Variants in SLC13A2 observed in about 807,000 individuals in gnomAD.
The protein encoded by SLC13A2 is solute carrier family 13 member 2.
Under a neutral mutation model 58.5 loss-of-function variants are expected in SLC13A2, and 40 were observed. The ratio of observed to expected loss-of-function variants is 0.68; its 90% CI spans 0.53 to 0.89. The LOEUF (loss-of-function observed/expected upper bound fraction) is 0.89, where lower values mean the gene tolerates loss of function less well. SLC13A2 is among the 40% of genes least tolerant of loss of function. The probability of loss-of-function intolerance (pLI) is 0.00; values close to 1 mark genes in which losing one functional copy is unlikely to be tolerated. For synonymous variants in SLC13A2, 341 were observed against 331.6 expected (o/e 1.03, Z -0.31); for missense variants, 694 against 772.6 (o/e 0.90, Z 1.21).
At chr17:28,482,815 TC>T (rs1164428359) in intron 1 of SLC13A2, among the ~76,000 whole-genome samples, 1 of 152,158 alleles carries the variant, frequency 6.6e-6, no homozygotes, top group Non-Finnish European at 1.5e-5. Flanking sequence ...CGCTCAAGGT[TC>T]CCTCTCTGGA....
chr17:28,489,198 T>A lies in SLC13A2; in HGVS notation c.103-16T>A, dbSNP rs782359171. ...CAGGCCCTCTGACAGCTCTGCCGCT[T>A]CTCTCCCACCTGCAGGAGGCCTACT... On this transcript the variant is annotated splice_polypyrimidine_tract_variant and intron_variant, in intron 1 of 11. Transcript: ENST00000314669. 6.2e-7 allele frequency: 1 copy of A among 1,612,202 alleles called. No individual in the cohort carries two copies. Among genetic ancestry groups the A allele is most frequent in the South Asian group, 1.1e-5 (1 of 91,018 alleles).
Position 28,492,834 on chromosome 17 carries a change from A to G in SLC13A2, c.879-737A>G, listed in dbSNP as rs375759084. 8.5e-5 allele frequency among the ~76,000 whole-genome samples: 13 copies of G among 152,356 alleles called. 1 individual carries two copies. In the South Asian group the frequency reaches 2.7e-3, roughly 32 times the overall value. ...TATGAGTGTTACTGTGGTATTAATT[A>G]TAATTTGCCCTTCCTGCCCAGGCAG... On this transcript the variant is annotated intron_variant, in intron 6 of 11. Coordinates refer to ENST00000314669, the MANE Select transcript of SLC13A2 (RefSeq NM_003984.4).
rs2069135768 is a variant in SLC13A2, at chr17:28,496,027, C to T, written c.1470+211C>T. On this transcript the variant is annotated intron_variant, in intron 10 of 11. Coordinates refer to ENST00000314669, the MANE Select transcript of SLC13A2 (RefSeq NM_003984.4). This position sits in a 1 kb window ranked among gnomAD's most constrained non-coding sequence, Gnocchi z 4.2. ...TGACTCACCCCGTCCCTCATGATGT[C>T]ACCCCTGGAGTATCCTGATGGGGAT... Among the ~76,000 whole-genome samples the T allele has an allele frequency of 6.6e-6, 1 of 152,178 alleles. No homozygotes were observed. Among genetic ancestry groups the T allele is most frequent in the African/African-American group, 2.4e-5 (1 of 41,448 alleles).
Position 28,482,005 on chromosome 17 carries a change from G to GGTTT in SLC13A2, c.103-7184_103-7181dup, listed in dbSNP as rs372987612. ...ATTTGTTTAGGTTTTAAAAGTTAAG[G>GGTTT]GTTTGTTTGTTTGTTTGTTTGTTTG... On this transcript the variant is annotated intron_variant, in intron 1 of 11. Transcript: ENST00000314669. Among the ~76,000 whole-genome samples the GGTTT allele has an allele frequency of 3.3e-3, 504 of 151,966 alleles. 2 individuals carry two copies. Among genetic ancestry groups the GGTTT allele is most frequent in the African/African-American group, 7.1e-3 (296 of 41,470 alleles).
chr17:28,497,393 C>T lies in SLC13A2; in HGVS notation c.*124C>T, dbSNP rs898821573. 53 of 1,081,172 alleles carry T rather than the reference C, an allele frequency of 4.9e-5. No homozygotes were observed. Among genetic ancestry groups the T allele is most frequent in the Non-Finnish European group, 6.6e-5 (50 of 759,532 alleles). The allele number at this position is 1,081,172 out of a possible 1,614,324, so 67.0% of individuals were successfully genotyped here. ...CCAAAGGCTGAAAGGCACGTGTGTA[C>T]ATAATCTCTTGCGTGTCTGTAAGGA... On this transcript the variant is annotated 3_prime_UTR_variant, in exon 12 of 12. Coordinates refer to ENST00000314669, the MANE Select transcript of SLC13A2 (RefSeq NM_003984.4).
chr17:28,495,616 C>A, intron 9 of SLC13A2, 39 bp from the exon 10 acceptor site: 1 of 1,589,312 alleles, frequency 6.3e-7, no homozygotes, highest in Non-Finnish European at 8.5e-7. Flanking sequence ...GGGGCCCAGG[C>A]AGCCTTGCCT....
intron 1 of SLC13A2, among the ~76,000 whole-genome samples, chr17:28,474,413 C>G (rs782503322): frequency 6.6e-6 from 1 of 152,098 alleles, no homozygotes; most frequent in Non-Finnish European, 1.5e-5. Flanking sequence ...TGGGCACAAC[C>G]AGGCGTCACT....
chr17:28,488,369 C>T (rs150130579), intron 1 of SLC13A2, among the ~76,000 whole-genome samples: 6 of 152,270 alleles, frequency 3.9e-5, no homozygotes, highest in East Asian at 1.9e-4. Context: ...GGCAGGTGCC[C>T]GGCCCCTGGA....
At position 28,496,732 on chromosome 17, in the gene SLC13A2, T is replaced by C; in HGVS notation, c.1608+145T>C. The C allele has an allele frequency of 8.5e-7, 1 of 1,182,654 alleles. No individual in the cohort carries two copies. The highest frequency in any genetic ancestry group is 1.2e-6 in the Non-Finnish European group (1 of 858,770). 73.3% of individuals were successfully genotyped at this position (1,182,654 alleles called of 1,614,324 possible). ...GGAATGAAGGTGCAGTTGGGGAGGTTGGGACATGACCTCTCAGTGGTGGCA... is the reference window on the plus strand; with the variant it reads ...GGAATGAAGGTGCAGTTGGGGAGGTCGGGACATGACCTCTCAGTGGTGGCA... On this transcript the variant is annotated intron_variant, in intron 11 of 11. Coordinates refer to ENST00000314669, the MANE Select transcript of SLC13A2 (RefSeq NM_003984.4). The surrounding 1 kb of genome is among the most constrained non-coding windows in gnomAD (Gnocchi z 4.2).
chr17:28,489,965 G>A (rs1555602822), intron 2 of SLC13A2, among the ~76,000 whole-genome samples: 2 of 152,198 alleles, frequency 1.3e-5, no homozygotes, highest in Non-Finnish European at 1.5e-5. Context: ...AGGGGAACCT[G>A]GTTGATATTA....
chr17:28,484,248 G>A (rs1283477491), intron 1 of SLC13A2, among the ~76,000 whole-genome samples: 1 of 152,196 alleles, frequency 6.6e-6, no homozygotes, highest in Non-Finnish European at 1.5e-5. Flanking sequence ...AAGAGGTACA[G>A]GGACTTAGAG....
At chr17:28,482,191 TTTTGTTTG>T (rs530553446) in intron 1 of SLC13A2, among the ~76,000 whole-genome samples, 90 of 151,822 alleles carry the variant, frequency 5.9e-4, no homozygotes, top group African/African-American at 1.6e-3. Flanking sequence ...AGCTAAGTTT[TTTTGTTTG>T]TTTGTTTGTT....
intron 1 of SLC13A2, among the ~76,000 whole-genome samples, chr17:28,488,295 G>A (rs976411524): frequency 2.0e-5 from 3 of 152,174 alleles, no homozygotes; most frequent in Non-Finnish European, 4.4e-5. Flanking sequence ...GGAGGAGGGG[G>A]TCCCCAGCCC....
Position 28,491,573 on chromosome 17 carries a change from G to C in SLC13A2, c.711G>C (p.Leu237=). The change falls in exon 5 of 12, where the codon CTG becomes CTC. Residue 237 remains leucine (L), a synonymous_variant. Coordinates refer to ENST00000314669, the MANE Select transcript of SLC13A2 (RefSeq NM_003984.4). ...YSASIGGIAT[L]TGTAPNLVLQ... ...CCAGCATCGGGGGCATCGCCACGCT[G>C]ACTGGCACCGCACCCAACCTGGTGC... The C allele has an allele frequency of 6.2e-7, 1 of 1,613,586 alleles. No homozygotes were observed. Among genetic ancestry groups the C allele is most frequent in the South Asian group, 1.1e-5 (1 of 91,074 alleles).
At chr17:28,477,879 G>A (rs1555600385) in intron 1 of SLC13A2, among the ~76,000 whole-genome samples, 1 of 152,050 alleles carries the variant, frequency 6.6e-6, no homozygotes, top group African/African-American at 2.4e-5. Flanking sequence ...CCAACATGGT[G>A]AAACTCCATC....
At chr17:28,477,356 G>A (rs1555600178) in intron 1 of SLC13A2, among the ~76,000 whole-genome samples, 1 of 150,918 alleles carries the variant, frequency 6.6e-6, no homozygotes, top group Non-Finnish European at 1.5e-5. Context: ...ACCACGCCCG[G>A]CTAATTTTTT....
chr17:28,481,200 A>G lies in SLC13A2; in HGVS notation c.102+7386A>G, dbSNP rs529581663. 2.6e-5 allele frequency among the ~76,000 whole-genome samples: 4 copies of G among 152,372 alleles called. No homozygotes were observed. The South Asian group carries it at 6.2e-4, about 24-fold the overall frequency. On this transcript the variant is annotated intron_variant, in intron 1 of 11. Coordinates refer to ENST00000314669, the MANE Select transcript of SLC13A2 (RefSeq NM_003984.4). ...GAGCTTGCATTTTGCTCTTTAGTGC[A>G]TACAGGCAGGGCTGGCCCTGGCCCA...
chr17:28,494,769 T>C lies in SLC13A2; in HGVS notation c.1308+257T>C, dbSNP rs1555604328. Reference sequence around the variant, plus strand: ...GCAGGATTCTCTGGTGGGCAGAGCCTGTTCTCAGAGACAAATGCCATCCCA... The same window carrying C: ...GCAGGATTCTCTGGTGGGCAGAGCCCGTTCTCAGAGACAAATGCCATCCCA... On this transcript the variant is annotated intron_variant, in intron 9 of 11. Coordinates refer to ENST00000314669, the MANE Select transcript of SLC13A2 (RefSeq NM_003984.4). The surrounding 1 kb of genome is among the most constrained non-coding windows in gnomAD (Gnocchi z 4.0). 6.6e-6 allele frequency among the ~76,000 whole-genome samples: 1 copy of C among 152,124 alleles called. No individual in the cohort carries two copies. The highest frequency in any genetic ancestry group is 1.9e-4 in the East Asian group (1 of 5,174).
chr17:28,489,090 CTG>C (rs2068947824), intron 1 of SLC13A2, 122 bp from the exon 2 acceptor site: 1 of 1,113,712 alleles, frequency 9.0e-7, no homozygotes, highest in Non-Finnish European at 1.3e-6. Context: ...GAATCAATGA[CTG>C]TGGGTTTCAC....
Sources: allele counts gnomAD v4.1 joint callset (sites outside exome capture counted in the v4.1 genomes callset), GRCh38; gene constraint gnomAD v4.1.1; non-coding constraint Gnocchi (gnomAD v3.1); transcripts MANE v1.5; gene names NCBI Gene and HGNC (gene_info 2026-07-23, HGNC 2026-07-21).